The following RSPO1 variants were observed in gnomAD, a reference collection of about 807,000 sequenced individuals.
RSPO1 encodes R-spondin 1, also known as R-spondin-1.
RSPO1 carries 18 observed loss-of-function variants against 26.0 expected under a neutral mutation model. The observed-to-expected ratio is 0.69, with a 90% CI of 0.48 to 1.03. RSPO1 has a LOEUF of 1.03. Ranked by LOEUF, RSPO1 falls within the 50% of genes least tolerant of loss-of-function variation. RSPO1 has a pLI of 0.00. For synonymous variants in RSPO1, 133 were observed against 137.4 expected (o/e 0.97, Z 0.22); for missense variants, 309 against 352.3 (o/e 0.88, Z 0.98).
intron 3 of RSPO1, among the ~76,000 whole-genome samples, chr1:37,622,249 G>A (rs747290422): frequency 6.6e-6 from 1 of 152,204 alleles, no homozygotes; most frequent in Non-Finnish European, 1.5e-5. Context: ...ACCTGGTGGT[G>A]GCGACCTGGT....
intron 4 of RSPO1, among the ~76,000 whole-genome samples, chr1:37,615,531 C>T (rs139490161): frequency 1.3e-5 from 2 of 152,274 alleles, no homozygotes; most frequent in East Asian, 1.9e-4. Flanking sequence ...ATTTACCCTC[C>T]GGGCCTGAAT....
chr1:37,626,581 A>T (rs764898276), intron 3 of RSPO1, among the ~76,000 whole-genome samples: 1 of 152,088 alleles, frequency 6.6e-6, no homozygotes, highest in Non-Finnish European at 1.5e-5. Flanking sequence ...CAGGATCTCA[A>T]TGAACATTTG....
intron 1 of RSPO1, among the ~76,000 whole-genome samples, chr1:37,633,586 C>T (rs1644392675): frequency 6.6e-6 from 1 of 152,040 alleles, no homozygotes; most frequent in African/African-American, 2.4e-5. Context: ...TTCGCATTAG[C>T]CCTCCCCGGG....
chr1:37,632,030 A>G (rs983554019), intron 2 of RSPO1: 8 of 152,252 alleles, frequency 5.3e-5, no homozygotes, highest in Non-Finnish European at 1.2e-4. Context: ...ACACTGCATT[A>G]GACAAACTTG....
At chr1:37,628,207 T>C (rs1644306619) in intron 3 of RSPO1, among the ~76,000 whole-genome samples, 1 of 151,936 alleles carries the variant, frequency 6.6e-6, no homozygotes, top group Non-Finnish European at 1.5e-5. Flanking sequence ...CTCTCTCTCA[T>C]TTCGGAAATA....
Position 37,622,954 on chromosome 1 carries a change from T to G in RSPO1, c.95-6279A>C, listed in dbSNP as rs1644224509. On this transcript the variant is annotated intron_variant, in intron 3 of 6. Coordinates refer to ENST00000356545, the MANE Select transcript of RSPO1 (RefSeq NM_001242908.2). Reference sequence around the variant, plus strand: ...AAAGCATGGCTGGGGATGGGGAATGTGATTACAAGACTCAGAGGCAGGGGA... The same window carrying G: ...AAAGCATGGCTGGGGATGGGGAATGGGATTACAAGACTCAGAGGCAGGGGA... 2.0e-5 allele frequency among the ~76,000 whole-genome samples: 3 copies of G among 151,750 alleles called. No homozygotes were observed. In the South Asian group the frequency reaches 6.3e-4, roughly 32 times the overall value.
In RSPO1 at chr1:37,614,245, G is replaced by A. The variant is rs780613296; in HGVS notation, c.375C>T (p.Cys125=). 6.2e-7 allele frequency: 1 copy of A among 1,613,754 alleles called. No homozygotes were observed. ...AGGAGCCCTCGGGACAAGCTGGATA[G>A]CAGCGGCCCTTGTGCAGGTACAAGC... ...KEGLYLHKGR[C]YPACPEGSSA... is the part of the protein sequence containing the mutation. The change falls in exon 5 of 7, where the codon TGC becomes TGT. Residue 125 remains cysteine (C), a synonymous_variant. Coordinates refer to ENST00000356545, the MANE Select transcript of RSPO1 (RefSeq NM_001242908.2).
intron 5 of RSPO1, 82 bp downstream of exon 5, chr1:37,614,102 A>C: frequency 3.9e-6 from 6 of 1,520,198 alleles, no homozygotes; most frequent in Non-Finnish European, 5.4e-6. Context: ...GCCCCAGCCC[A>C]CCCGCTCTCT....
At chr1:37,619,412 C>A (rs939390757) in intron 3 of RSPO1, among the ~76,000 whole-genome samples, 2 of 152,192 alleles carry the variant, frequency 1.3e-5, no homozygotes, top group African/African-American at 2.4e-5. Flanking sequence ...TGGGCAAAAT[C>A]CTGGATGTCG....
Position 37,629,933 on chromosome 1 carries a change from C to T in RSPO1, c.-272G>A, listed in dbSNP as rs1310746995. On this transcript the variant is annotated 5_prime_UTR_variant, in exon 3 of 7. Transcript: ENST00000356545. ...GATCTTTTTGTCACGTCAGCAGGGA[C>T]TACTCCAAAAACCAACCTGTCAGGG... is the stretch of plus-strand genomic sequence containing the variant. 6.7e-7 allele frequency: 1 copy of T among 1,500,420 alleles called. No homozygotes were observed. Among genetic ancestry groups the T allele is most frequent in the South Asian group, 1.2e-5 (1 of 83,126 alleles). 92.9% of individuals were successfully genotyped at this position (1,500,420 alleles called of 1,614,324 possible).
chr1:37,634,320 G>A lies in RSPO1; in HGVS notation c.-356+246C>T, dbSNP rs1644405616. Reference sequence around the variant, plus strand: ...GATGATCACCCGGGGCTGCGGGATGGAGGGGAGTTCGAGGGGAAGAGGCTG... The same window carrying A: ...GATGATCACCCGGGGCTGCGGGATGAAGGGGAGTTCGAGGGGAAGAGGCTG... On this transcript the variant is annotated intron_variant, in intron 1 of 6. Transcript: ENST00000356545. The surrounding 1 kb of genome is among the most constrained non-coding windows in gnomAD (Gnocchi z 4.7). 6.6e-6 allele frequency among the ~76,000 whole-genome samples: 1 copy of A among 152,204 alleles called. No homozygotes were observed. The highest frequency in any genetic ancestry group is 2.1e-4 in the South Asian group (1 of 4,830).
At chr1:37,615,867 C>A (rs1035207289) in intron 4 of RSPO1, among the ~76,000 whole-genome samples, 21 of 152,036 alleles carry the variant, frequency 1.4e-4, no homozygotes, top group Non-Finnish European at 2.5e-4. Flanking sequence ...CCCCTGCAGC[C>A]CATGTGGAGC....
In RSPO1 at chr1:37,613,871, C is replaced by T. The variant is rs1375708111; in HGVS notation, c.458G>A (p.Trp153Ter). The T allele has an allele frequency of 6.2e-7, 1 of 1,614,128 alleles. No homozygotes were observed. The highest frequency in any genetic ancestry group is 1.7e-5 in the Admixed American group (1 of 60,032). The change falls in exon 6 of 7, where the codon TGG becomes TAG. Residue 153 changes from tryptophan (W) to a stop codon, truncating the protein, a stop_gained. Transcript: ENST00000356545. LOFTEE classifies it high-confidence loss of function. The surrounding 1 kb of genome is among the most constrained non-coding windows in gnomAD (Gnocchi z 4.5). ...CTTGGAGCAGGGCCCCCACGGAGAC[C>T]ACTCGCTCATTTCACATTGCGCTGG... ...SSPAQCEMSE[W>*]SPWGPCSKKQ...
At position 37,629,551 on chromosome 1, in the gene RSPO1, C is replaced by T. The variant is rs751049615; in HGVS notation, c.94+17G>A. 1.9e-6 allele frequency: 3 copies of T among 1,612,480 alleles called. No homozygotes were observed. Among genetic ancestry groups the T allele is most frequent in the Non-Finnish European group, 1.7e-6 (2 of 1,178,472 alleles). ...ATTCCCAAGGCCAGCTGTGGCCCAC[C>T]ATGCTCCATTACTCACTCCGCCTCT... On this transcript the variant is annotated intron_variant, in intron 3 of 6. Coordinates refer to ENST00000356545, the MANE Select transcript of RSPO1 (RefSeq NM_001242908.2).
rs775713716 is a variant in RSPO1 at position 37,613,817 on chromosome 1, C to G, written c.512G>C (p.Gly171Ala). ...KKQQLCGFRR[G>A]SEERTRRVLH... Reference sequence around the variant, plus strand: ...CACCCTGCGTGTCCGCTCCTCGGAGCCCCTCCGGAAACCACAGAGCTGCTG... The same window carrying G: ...CACCCTGCGTGTCCGCTCCTCGGAGGCCCTCCGGAAACCACAGAGCTGCTG... The change falls in exon 6 of 7, where the codon GGC becomes GCC. Residue 171 changes from glycine to alanine, a missense_variant. Physicochemically the swap from Gly to Ala is moderately conservative, Grantham distance 60. Transcript: ENST00000356545. This position sits in a 1 kb window ranked among gnomAD's most constrained non-coding sequence, Gnocchi z 4.5. The G allele has an allele frequency of 3.1e-5, 50 of 1,614,020 alleles. 1 individual carries two copies. In the South Asian group the frequency reaches 5.4e-4, roughly 17 times the overall value.
intron 2 of RSPO1, among the ~76,000 whole-genome samples, chr1:37,630,325 G>GCT (rs5773594): frequency 2.6e-5 from 4 of 151,128 alleles, no homozygotes; most frequent in African/African-American, 9.7e-5. Flanking sequence ...TTGAAGAGGA[G>GCT]CTCTCTCTCT....
At chr1:37,631,526 G>T (rs1644361347) in intron 2 of RSPO1, among the ~76,000 whole-genome samples, 1 of 152,220 alleles carries the variant, frequency 6.6e-6, no homozygotes, top group Admixed American at 6.5e-5. Context: ...TAGTCTCAGA[G>T]GCTGGCTGTA....
chr1:37,632,023 C>A (rs1644367057), intron 2 of RSPO1: 1 of 152,220 alleles, frequency 6.6e-6, no homozygotes, highest in African/African-American at 2.4e-5. Flanking sequence ...TTGACAAACA[C>A]TGCATTAGAC....
rs1557440178 is a variant in RSPO1, at chr1:37,629,832, C to T, written c.-171G>A. ...CTGGGGACAGAGAGGGTGTGGGGAG[C>T]CCAGTTCTCCATCAGCTCAAAGGGA... On this transcript the variant is annotated 5_prime_UTR_variant, in exon 3 of 7. Transcript: ENST00000356545. 4 of 1,550,774 alleles carry T rather than the reference C, an allele frequency of 2.6e-6. No homozygotes were observed. The highest frequency in any genetic ancestry group is 2.4e-5 in the East Asian group (1 of 40,926).
Sources: gnomAD v4.1 joint callset for allele counts (sites outside exome capture counted in the v4.1 genomes callset) on GRCh38, gnomAD v4.1.1 for gene constraint, Gnocchi (gnomAD v3.1) non-coding constraint, MANE v1.5 for transcripts, NCBI Gene and HGNC (gene_info 2026-07-23, HGNC 2026-07-21) for gene names.